BTBD1: variants seen among roughly 807,000 people sequenced by gnomAD.
BTBD1 encodes BTB domain containing 1, also known as BTB/POZ domain-containing protein 1.
In BTBD1, 34 loss-of-function variants were observed where a neutral mutation model predicts 48.0. The observed-to-expected ratio is 0.71, with a 90% CI of 0.54 to 0.94. BTBD1 has a LOEUF of 0.94. BTBD1 is among the 40% of genes least tolerant of loss of function. BTBD1 has a pLI of 0.00. For missense variants in BTBD1, 543 were observed against 625.6 expected (o/e 0.87, Z 1.41); for synonymous variants, 261 against 242.1 (o/e 1.08, Z -0.72).
chr15:83,036,160 GA>G (rs35994386), intron 4 of BTBD1, among the ~76,000 whole-genome samples: 87,805 of 126,724 alleles, frequency 0.69, 30,679 homozygotes, highest in African/African-American at 0.88. Context: ...AGCAAGAAAG[GA>G]AAAAAAAAAA....
At chr15:83,049,587 CTTTT>C (rs3837693) in intron 3 of BTBD1, among the ~76,000 whole-genome samples, 1 of 151,310 alleles carries the variant, frequency 6.6e-6, no homozygotes, top group Admixed American at 6.6e-5. Flanking sequence ...TATGTCCTCT[CTTTT>C]TTTTTAATTT....
rs1488269536 is a variant in BTBD1 at position 83,017,040 on chromosome 15, T to G, written c.*1027A>C. 3.9e-5 allele frequency: 6 copies of G among 152,660 alleles called. No homozygotes were observed. The highest frequency in any genetic ancestry group is 7.2e-5 in the African/African-American group (3 of 41,464). 9.5% of individuals were successfully genotyped at this position (152,660 alleles called of 1,614,324 possible). A position where few individuals can be genotyped will look rare whatever the true frequency, so the allele number is the denominator to read the frequency against. Reference sequence around the variant, plus strand: ...ATAAATATCAATCTGCCAGATATACTTCCTATCCCCAACACAGCTGTAACA... The same window carrying G: ...ATAAATATCAATCTGCCAGATATACGTCCTATCCCCAACACAGCTGTAACA... On this transcript the variant is annotated 3_prime_UTR_variant, in exon 8 of 8. Transcript: ENST00000261721.
At chr15:83,033,878 T>TA (rs1173427471) in intron 4 of BTBD1, among the ~76,000 whole-genome samples, 1 of 152,000 alleles carries the variant, frequency 6.6e-6, no homozygotes, top group Non-Finnish European at 1.5e-5. Context: ...GTGCCCCATC[T>TA]AAAAAATTTA....
chr15:83,024,947 T>C (rs914983132), intron 5 of BTBD1, among the ~76,000 whole-genome samples: 5 of 152,198 alleles, frequency 3.3e-5, no homozygotes, highest in African/African-American at 1.2e-4. Flanking sequence ...GTTTCTGACA[T>C]CTATAGTCTG....
intron 4 of BTBD1, among the ~76,000 whole-genome samples, chr15:83,031,566 C>T (rs996191204): frequency 1.3e-5 from 2 of 151,972 alleles, no homozygotes; most frequent in East Asian, 1.9e-4. Context: ...CTCATAGGTG[C>T]GAACTGAACA....
In BTBD1 at chr15:83,041,721, C is replaced by T. The variant is rs942704753; in HGVS notation, c.862+7G>A. ...TCAAATAGATTTTGGTGAATTTATA[C>T]CCTTACCTGCTGCAAATTCCTCAAT... is the stretch of plus-strand genomic sequence containing the variant. On this transcript the variant is annotated splice_region_variant and intron_variant, in intron 4 of 7. Coordinates refer to ENST00000261721, the MANE Select transcript of BTBD1 (RefSeq NM_025238.4). The T allele has an allele frequency of 1.2e-6, 2 of 1,613,080 alleles. No homozygotes were observed. The highest frequency in any genetic ancestry group is 1.7e-6 in the Non-Finnish European group (2 of 1,179,196).
intron 4 of BTBD1, among the ~76,000 whole-genome samples, chr15:83,041,478 C>T (rs1363513683): frequency 6.6e-6 from 1 of 151,734 alleles, no homozygotes; most frequent in Non-Finnish European, 1.5e-5. Flanking sequence ...TGGGTTCAAG[C>T]GATTCTCCTG....
intron 4 of BTBD1, among the ~76,000 whole-genome samples, chr15:83,030,994 G>A (rs1403209108): frequency 6.6e-6 from 1 of 152,156 alleles, no homozygotes; most frequent in African/African-American, 2.4e-5. Context: ...ACATACGTGT[G>A]CATGTGTCTT....
intron 3 of BTBD1, chr15:83,044,804 T>G: frequency 8.0e-7 from 1 of 1,247,218 alleles, no homozygotes. Flanking sequence ...AGGAGTTAAC[T>G]AATAGAATGA....
chr15:83,062,387 A>C (rs1370745321), intron 1 of BTBD1, among the ~76,000 whole-genome samples: 1 of 152,214 alleles, frequency 6.6e-6, no homozygotes, highest in East Asian at 1.9e-4. Context: ...GAGTGAAACG[A>C]AACTACAATT....
rs77864318 is a variant in BTBD1, at chr15:83,021,967, A to G, written c.1056-1205T>C. 2.5e-3 allele frequency among the ~76,000 whole-genome samples: 381 copies of G among 152,192 alleles called. 15 individuals carry two copies. The East Asian group carries it at 0.066, about 26-fold the overall frequency. ...CTTTACAGAATTATTTCCTTTAGTC[A>G]TCGTAACAGCCCTATAAGCTAGATA... On this transcript the variant is annotated intron_variant, in intron 5 of 7. Coordinates refer to ENST00000261721, the MANE Select transcript of BTBD1 (RefSeq NM_025238.4).
intron 1 of BTBD1, among the ~76,000 whole-genome samples, chr15:83,062,976 C>A (rs1161201635): frequency 6.6e-6 from 1 of 152,126 alleles, no homozygotes; most frequent in Non-Finnish European, 1.5e-5. Context: ...CGATAGCTTC[C>A]ACCTTGTCAA....
intron 4 of BTBD1, among the ~76,000 whole-genome samples, chr15:83,041,495 C>T (rs1054357995): frequency 1.3e-5 from 2 of 151,970 alleles, no homozygotes; most frequent in African/African-American, 4.8e-5. Flanking sequence ...CCTGCCTCAG[C>T]CTCCTGAGTA....
intron 3 of BTBD1, among the ~76,000 whole-genome samples, chr15:83,042,709 A>G (rs1170291928): frequency 6.6e-6 from 1 of 152,210 alleles, no homozygotes; most frequent in Admixed American, 6.5e-5. Flanking sequence ...CTGAACAAAA[A>G]GTTAAAAATT....
chr15:83,031,466 G>A (rs939023010), intron 4 of BTBD1, among the ~76,000 whole-genome samples: 3 of 152,128 alleles, frequency 2.0e-5, no homozygotes, highest in Non-Finnish European at 4.4e-5. Context: ...TGATGAGTTC[G>A]TGTCCTTTAT....
At chr15:83,027,404 A>C (rs1291282925) in intron 5 of BTBD1, among the ~76,000 whole-genome samples, 1 of 152,150 alleles carries the variant, frequency 6.6e-6, no homozygotes, top group Admixed American at 6.5e-5. Context: ...TCTTTATTCC[A>C]CAAAAGAGAA....
chr15:83,060,629 A>G (rs2033161540), intron 1 of BTBD1, among the ~76,000 whole-genome samples: 1 of 151,992 alleles, frequency 6.6e-6, no homozygotes, highest in African/African-American at 2.4e-5. Flanking sequence ...CCCCATCTCT[A>G]CTAAAAATAC....
chr15:83,052,822 A>T (rs1260158092), intron 2 of BTBD1, among the ~76,000 whole-genome samples: 708 of 40,456 alleles, frequency 0.018, 18 homozygotes, highest in African/African-American at 0.06. Context: ...TTTTTTTTTT[A>T]GTAGAGACGG....
At chr15:83,019,430 A>G (rs1278799384) in intron 6 of BTBD1, among the ~76,000 whole-genome samples, 1 of 150,498 alleles carries the variant, frequency 6.6e-6, no homozygotes, top group Non-Finnish European at 1.5e-5. Context: ...GGCTCAAGCA[A>G]TCCTTCCACA....
Sources: allele counts gnomAD v4.1 joint callset (sites outside exome capture counted in the v4.1 genomes callset), GRCh38; gene constraint gnomAD v4.1.1; transcripts MANE v1.5; gene names NCBI Gene and HGNC (gene_info 2026-07-23, HGNC 2026-07-21).